PLEKHG1: variants seen among roughly 807,000 people sequenced by gnomAD.
The protein encoded by PLEKHG1 is pleckstrin homology domain-containing family G member 1.
A neutral mutation model predicts 100.8 loss-of-function variants in PLEKHG1; 44 were observed. The observed-to-expected ratio is 0.44, with a 90% CI of 0.34 to 0.56. The LOEUF (loss-of-function observed/expected upper bound fraction) is 0.56, where lower values mean the gene tolerates loss of function less well. Ranked by LOEUF, PLEKHG1 falls within the 20% of genes least tolerant of loss-of-function variation. PLEKHG1 has a pLI of 0.01. For synonymous variants in PLEKHG1, 640 were observed against 662.5 expected (o/e 0.97, Z 0.52); for missense variants, 1,545 against 1,720.9 (o/e 0.90, Z 1.81).
chr6:150,675,845 GATGAA>G (rs1410797513), intron 3 of PLEKHG1, among the ~76,000 whole-genome samples: 2 of 152,192 alleles, frequency 1.3e-5, no homozygotes, highest in African/African-American at 4.8e-5. Context: ...AATCTAAGAA[GATGAA>G]ATTAAGTAGC....
At chr6:150,837,398 T>C (rs1274128108) in intron 15 of PLEKHG1, among the ~76,000 whole-genome samples, 3 of 152,202 alleles carry the variant, frequency 2.0e-5, no homozygotes, top group Non-Finnish European at 4.4e-5. Flanking sequence ...AAGGAGTGTA[T>C]AATAAGACAA....
At chr6:150,677,084 C>G (rs1779780837) in intron 3 of PLEKHG1, among the ~76,000 whole-genome samples, 1 of 152,204 alleles carries the variant, frequency 6.6e-6, no homozygotes. Flanking sequence ...TAGCAGGTGT[C>G]TATCTCCATA....
At chr6:150,710,368 AT>A (rs1423283139) in intron 3 of PLEKHG1, among the ~76,000 whole-genome samples, 1 of 152,126 alleles carries the variant, frequency 6.6e-6, no homozygotes, top group African/African-American at 2.4e-5. Context: ...TTTGATGTTC[AT>A]TTTAATCTGA....
At chr6:150,725,743 T>A (rs1781929779) in intron 1 of PLEKHG1, among the ~76,000 whole-genome samples, 2 of 150,166 alleles carry the variant, frequency 1.3e-5, no homozygotes, top group Non-Finnish European at 2.9e-5. Flanking sequence ...GTCATGAAGC[T>A]TTTCTCCCCT....
chr6:150,770,698 A>G (rs886809481), intron 3 of PLEKHG1, among the ~76,000 whole-genome samples: 13 of 152,252 alleles, frequency 8.5e-5, no homozygotes, highest in African/African-American at 3.1e-4. Flanking sequence ...CTACATGTTC[A>G]TTAGTAATGT....
rs568220621 is a variant in PLEKHG1, at chr6:150,753,462, C to T, written c.412-15176C>T. On this transcript the variant is annotated intron_variant, in intron 2 of 15. Transcript: ENST00000358517. The stretch of plus-strand genomic sequence containing the variant: ...GATGCCCTTAACCTTTCAGAAAGCC[C>T]GAAGTGGGTGCCTCGTAAGGAGGGG... Among the ~76,000 whole-genome samples, 26 of 152,258 alleles carry T rather than the reference C, an allele frequency of 1.7e-4. No homozygotes were observed. In the South Asian group the frequency reaches 5.2e-3, roughly 30 times the overall value.
chr6:150,648,393 A>C (rs1038290187), intron 2 of PLEKHG1, among the ~76,000 whole-genome samples: 2 of 152,128 alleles, frequency 1.3e-5, no homozygotes, highest in African/African-American at 4.8e-5. Context: ...ATGGCAAACT[A>C]TCCTATTTCT....
At chr6:150,743,686 T>G (rs1370028610) in intron 2 of PLEKHG1, among the ~76,000 whole-genome samples, 1 of 152,220 alleles carries the variant, frequency 6.6e-6, no homozygotes, top group Non-Finnish European at 1.5e-5. Flanking sequence ...CCTCTCTCCC[T>G]TCTTCTATGT....
chr6:150,702,464 C>A (rs1236790083), intron 3 of PLEKHG1, among the ~76,000 whole-genome samples: 1 of 129,488 alleles, frequency 7.7e-6, no homozygotes, highest in Non-Finnish European at 1.7e-5. Context: ...AGCAAGACTC[C>A]GTCTCAAAAA....
chr6:150,821,194 G>C lies in PLEKHG1; in HGVS notation c.1409-1G>C. On this transcript the variant is annotated splice_acceptor_variant, in intron 12 of 15. Coordinates refer to ENST00000358517, the Ensembl canonical transcript of PLEKHG1. LOFTEE classifies it high-confidence loss of function. ...GATGCTGGCTTTGTTTTGTCTCCCAGAACCTTCCTCACGGTCACATAAAGT... is the reference window on the plus strand; with the variant it reads ...GATGCTGGCTTTGTTTTGTCTCCCACAACCTTCCTCACGGTCACATAAAGT... The C allele has an allele frequency of 6.2e-7, 1 of 1,612,854 alleles. No individual in the cohort carries two copies. The highest frequency in any genetic ancestry group is 8.5e-7 in the Non-Finnish European group (1 of 1,178,902).
At chr6:150,765,109 C>G (rs1400279328) in intron 2 of PLEKHG1, among the ~76,000 whole-genome samples, 2 of 152,014 alleles carry the variant, frequency 1.3e-5, no homozygotes, top group East Asian at 3.8e-4. Context: ...CAGAGGCATC[C>G]CAACGTAATA....
chr6:150,684,635 G>A (rs773374858), intron 3 of PLEKHG1, among the ~76,000 whole-genome samples: 1 of 152,186 alleles, frequency 6.6e-6, no homozygotes, highest in Non-Finnish European at 1.5e-5. Context: ...TTTTGGATCT[G>A]TGGCAGCAGT....
chr6:150,835,910 T>C (rs1777198315), intron 15 of PLEKHG1, among the ~76,000 whole-genome samples: 1 of 152,210 alleles, frequency 6.6e-6, no homozygotes, highest in South Asian at 2.1e-4. Context: ...AATTGATAAA[T>C]GGTCAACTCT....
At chr6:150,768,495 A>G in intron 2 of PLEKHG1, 143 bp from the exon 4 acceptor site, 1 of 620,416 alleles carries the variant, frequency 1.6e-6, no homozygotes, top group Non-Finnish European at 2.9e-6. Context: ...CAGTAATAAG[A>G]GAGCAACTGT....
At chr6:150,835,841 A>T (rs901794850) in intron 15 of PLEKHG1, among the ~76,000 whole-genome samples, 44 of 152,330 alleles carry the variant, frequency 2.9e-4, no homozygotes, top group African/African-American at 1.0e-3. Context: ...TCACACCTGT[A>T]TGGCCAGGCA....
intron 3 of PLEKHG1, among the ~76,000 whole-genome samples, chr6:150,677,624 C>T (rs568570781): frequency 6.6e-6 from 1 of 152,202 alleles, no homozygotes; most frequent in South Asian, 2.1e-4. Flanking sequence ...GCTGTCAGTG[C>T]TTTGGGAAGC....
intron 3 of PLEKHG1, among the ~76,000 whole-genome samples, chr6:150,712,343 C>G (rs1457609367): frequency 6.6e-6 from 1 of 152,134 alleles, no homozygotes; most frequent in Non-Finnish European, 1.5e-5. Context: ...TTAGACAAAG[C>G]AAGACTGGGA....
rs1776894801 is a variant in PLEKHG1 at position 150,831,052 on chromosome 6, G to T, written c.1941G>T (p.Gly647=). The stretch of plus-strand genomic sequence containing the variant: ...GGCAGGAGGAGATGACTCCCTTTGG[G>T]TCATCCATAGAGTTGACTATTGATG... The change falls in exon 15 of 16, where the codon GGG becomes GGT. Residue 647 remains glycine, a synonymous_variant. Coordinates refer to ENST00000358517, the Ensembl canonical transcript of PLEKHG1. The surrounding 1 kb of genome is among the most constrained non-coding windows in gnomAD (Gnocchi z 4.1). 2 of 1,613,992 alleles carry T rather than the reference G, an allele frequency of 1.2e-6. No individual in the cohort carries two copies. The highest frequency in any genetic ancestry group is 2.2e-5 in the East Asian group (1 of 44,866).
intron 2 of PLEKHG1, among the ~76,000 whole-genome samples, chr6:150,649,213 A>G (rs902440061): frequency 2.0e-5 from 3 of 152,214 alleles, no homozygotes; most frequent in Non-Finnish European, 4.4e-5. Context: ...AATTTTCATT[A>G]TCCCCACTCA....
Sources: gnomAD v4.1 joint callset for allele counts (sites outside exome capture counted in the v4.1 genomes callset) on GRCh38, gnomAD v4.1.1 for gene constraint, Gnocchi (gnomAD v3.1) non-coding constraint, MANE v1.5 for transcripts, NCBI Gene and HGNC (gene_info 2026-07-23, HGNC 2026-07-21) for gene names.